Variants in TRAPPC9 observed in about 807,000 individuals in gnomAD.
TRAPPC9 encodes the protein trafficking protein particle complex subunit 9, also known as IKK2 binding protein.
A neutral mutation model predicts 124.0 loss-of-function variants in TRAPPC9; 83 were observed. The ratio of observed to expected loss-of-function variants is 0.67; its 90% CI spans 0.56 to 0.80. TRAPPC9 has a LOEUF of 0.80. TRAPPC9 is among the 30% of genes least tolerant of loss of function. The pLI, the probability that TRAPPC9 is intolerant of heterozygous loss-of-function variation, is 0.00. For missense variants in TRAPPC9, 1,302 were observed against 1,508.3 expected, an observed-to-expected ratio of 0.86 and a Z score of 2.27; for synonymous variants, 638 against 617.5, an observed-to-expected ratio of 1.03 and a Z score of -0.49.
intron 17 of TRAPPC9, among the ~76,000 whole-genome samples, chr8:140,185,258 T>C (rs1266279613): frequency 6.6e-6 from 1 of 152,136 alleles, no homozygotes; most frequent in Non-Finnish European, 1.5e-5. Flanking sequence ...CTCCCGGGGC[T>C]CTGAGTCCAG....
intron 9 of TRAPPC9, among the ~76,000 whole-genome samples, chr8:140,316,693 G>A (rs2066451135): frequency 6.6e-6 from 1 of 152,100 alleles, no homozygotes; most frequent in African/African-American, 2.4e-5. Flanking sequence ...AGGGATATCT[G>A]TCTTTTGAGA....
Position 140,451,293 on chromosome 8 carries a change from G to T in TRAPPC9, c.81C>A (p.Ser27=), listed in dbSNP as rs141007597. Residue 27 remains serine (S), a synonymous_variant, in exon 2 of 23, where the codon TCC becomes TCA. Coordinates refer to ENST00000438773, the MANE Select transcript of TRAPPC9 (RefSeq NM_001160372.4). ...TATAGATCCTGAAGAAGTTCTCCTC[G>T]GAGACGATGCCCACAGGCTGGACCA... The part of the protein sequence containing the change: ...LVVVQPVGIV[S]EENFFRIYKR... 1 of 1,610,090 alleles carries T rather than the reference G, an allele frequency of 6.2e-7. No individual in the cohort carries two copies. Among genetic ancestry groups the T allele is most frequent in the Admixed American group, 1.7e-5 (1 of 60,024 alleles).
chr8:140,348,730 C>T (rs961795020), intron 9 of TRAPPC9, among the ~76,000 whole-genome samples: 1 of 152,168 alleles, frequency 6.6e-6, no homozygotes, highest in African/African-American at 2.4e-5. Context: ...TGTTCTAAAA[C>T]TGACTGTGGT....
chr8:140,385,879 G>C (rs1243838950), intron 7 of TRAPPC9, among the ~76,000 whole-genome samples: 1 of 152,132 alleles, frequency 6.6e-6, no homozygotes, highest in African/African-American at 2.4e-5. Flanking sequence ...GAGAATTTTA[G>C]ACCAATATCC....
intron 18 of TRAPPC9, among the ~76,000 whole-genome samples, chr8:140,010,812 C>A (rs146579718): frequency 6.6e-6 from 1 of 152,146 alleles, no homozygotes; most frequent in Admixed American, 6.5e-5. Flanking sequence ...CACGTATGCA[C>A]AAAGTTTATA....
intron 17 of TRAPPC9, among the ~76,000 whole-genome samples, chr8:140,033,109 C>G (rs946390213): frequency 6.6e-6 from 1 of 152,108 alleles, no homozygotes; most frequent in African/African-American, 2.4e-5. Context: ...GTTTTCTACA[C>G]TAAGGAGATT....
At chr8:140,416,389 T>C (rs887444959) in intron 5 of TRAPPC9, among the ~76,000 whole-genome samples, 1 of 152,018 alleles carries the variant, frequency 6.6e-6, no homozygotes, top group Admixed American at 6.6e-5. Flanking sequence ...GAATCAATAA[T>C]CAAAAAATCT....
chr8:140,362,054 C>A (rs1453416057), intron 8 of TRAPPC9, among the ~76,000 whole-genome samples: 1 of 152,218 alleles, frequency 6.6e-6, no homozygotes, highest in Non-Finnish European at 1.5e-5. Context: ...TTCTGTATTT[C>A]CGCTGTATTT....
At chr8:140,271,139 T>A (rs2064865388) in intron 15 of TRAPPC9, among the ~76,000 whole-genome samples, 1 of 152,232 alleles carries the variant, frequency 6.6e-6, no homozygotes, top group Non-Finnish European at 1.5e-5. Context: ...GCTTGCTTGT[T>A]CAAGTATCAA....
intron 17 of TRAPPC9, among the ~76,000 whole-genome samples, chr8:140,041,205 T>C (rs567221460): frequency 1.4e-4 from 22 of 152,220 alleles, no homozygotes; most frequent in Non-Finnish European, 2.9e-4. Context: ...CCTGGACCCA[T>C]GAAGAAGGGA....
At chr8:139,770,775 A>C (rs1820902984) in intron 21 of TRAPPC9, among the ~76,000 whole-genome samples, 1 of 152,200 alleles carries the variant, frequency 6.6e-6, no homozygotes, top group Non-Finnish European at 1.5e-5. Flanking sequence ...TGGGGAAAAC[A>C]AGTTCAACAA....
intron 8 of TRAPPC9, among the ~76,000 whole-genome samples, chr8:140,364,081 C>T (rs2874091): frequency 0.49 from 74,790 of 151,674 alleles, 18,824 homozygotes; most frequent in African/African-American, 0.59. Context: ...TGAGGATGAC[C>T]GGGAGTGAGG....
chr8:140,219,687 T>C (rs988448536), intron 17 of TRAPPC9, among the ~76,000 whole-genome samples: 132 of 152,286 alleles, frequency 8.7e-4, no homozygotes, highest in Non-Finnish European at 5.9e-5. Context: ...ATCTCTTCGC[T>C]GCAAACCCTG....
intron 9 of TRAPPC9, among the ~76,000 whole-genome samples, chr8:140,344,111 G>A (rs2132075512): frequency 6.6e-6 from 1 of 152,282 alleles, no homozygotes; most frequent in African/African-American, 2.4e-5. Context: ...CAGGGCATGT[G>A]AGTAGAGTTC....
At chr8:139,983,124 C>T (rs997926499) in intron 19 of TRAPPC9, among the ~76,000 whole-genome samples, 1 of 152,146 alleles carries the variant, frequency 6.6e-6, no homozygotes, top group South Asian at 2.1e-4. Flanking sequence ...TTAAATGAAG[C>T]TTGAGAAAAA....
At chr8:140,436,622 C>T (rs947620001) in intron 3 of TRAPPC9, among the ~76,000 whole-genome samples, 12 of 152,268 alleles carry the variant, frequency 7.9e-5, no homozygotes, top group Middle Eastern at 3.4e-3. Flanking sequence ...CACACAGCAC[C>T]GTCCTTCTCT....
intron 19 of TRAPPC9, among the ~76,000 whole-genome samples, chr8:139,960,285 ACAG>A (rs982799262): frequency 3.1e-4 from 47 of 152,222 alleles, no homozygotes; most frequent in African/African-American, 1.1e-3. Flanking sequence ...TGAACCTCCC[ACAG>A]CTTGGACACC....
At chr8:139,941,975 AAGAACACAGGCTCC>A (rs1833947176) in intron 19 of TRAPPC9, among the ~76,000 whole-genome samples, 1 of 152,206 alleles carries the variant, frequency 6.6e-6, no homozygotes, top group Non-Finnish European at 1.5e-5. Flanking sequence ...AGGGTGTATG[AAGAACACAGGCTCC>A]AGAAGCAAAC....
In TRAPPC9 at chr8:139,910,138, A is replaced by C; in HGVS notation, c.2964+9T>G. 6.2e-7 allele frequency: 1 copy of C among 1,613,962 alleles called. No homozygotes were observed. Among genetic ancestry groups the C allele is most frequent in the Non-Finnish European group, 8.5e-7 (1 of 1,179,890 alleles). ...CCCCCAGGCCCAGGTGGCCCCTGGA[A>C]AAGGATATGATTCTCCAGCAGATGC... On this transcript the variant is annotated intron_variant, in intron 20 of 22. Coordinates refer to ENST00000438773, the MANE Select transcript of TRAPPC9 (RefSeq NM_001160372.4).
Sources: gnomAD v4.1 joint callset for allele counts (sites outside exome capture counted in the v4.1 genomes callset) on GRCh38, gnomAD v4.1.1 for gene constraint, MANE v1.5 for transcripts, NCBI Gene and HGNC (gene_info 2026-07-23, HGNC 2026-07-21) for gene names.